ZNF674: variants seen among roughly 807,000 people sequenced by gnomAD.
The protein encoded by ZNF674 is zinc finger protein 674.
In ZNF674, 2 loss-of-function variants were observed where a neutral mutation model predicts 7.0. That is an observed-to-expected ratio of 0.29 (90% CI 0.12 to 0.90). ZNF674 has a LOEUF of 0.90. Ranked by LOEUF, ZNF674 falls within the 40% of genes least tolerant of loss-of-function variation. The probability of loss-of-function intolerance (pLI) is 0.57; values close to 1 mark genes in which losing one functional copy is unlikely to be tolerated. For missense variants in ZNF674, 297 were observed against 415.5 expected (o/e 0.71, Z 2.48); for synonymous variants, 103 against 145.2 (o/e 0.71, Z 2.09).
At chrX:46,522,804 T>A (rs1941938141) in intron 5 of ZNF674, 1 of 112,748 alleles carries the variant, frequency 8.9e-6, no homozygotes, top group Non-Finnish European at 1.9e-5. Context: ...AAGAAATAAG[T>A]CACAAAATAA....
intron 5 of ZNF674, among the ~76,000 whole-genome samples, chrX:46,520,450 G>A (rs1941887999): frequency 9.0e-6 from 1 of 111,096 alleles, no homozygotes; most frequent in Non-Finnish European, 1.9e-5. Context: ...TCCTTGCAGT[G>A]ACAGAAATGT....
chrX:46,534,400 G>A (rs753736212), intron 3 of ZNF674, among the ~76,000 whole-genome samples: 1 of 111,572 alleles, frequency 9.0e-6, no homozygotes, highest in African/African-American at 3.3e-5. Context: ...GGAGTGCAGT[G>A]GTGAGATTAT....
At chrX:46,505,768 TCA>T (rs56158505) in intron 5 of ZNF674, among the ~76,000 whole-genome samples, 99 of 100,077 alleles carry the variant, frequency 9.9e-4, no homozygotes, top group East Asian at 4.7e-3. Context: ...CAAAACTCTG[TCA>T]CACACACACA....
rs771665182 is a variant in ZNF674 at position 46,500,564 on chromosome X, G to C, written c.1010C>G (p.Thr337Ser). The change falls in exon 6 of 6, where the codon ACT becomes AGT. Residue 337 changes from threonine to serine, a missense_variant. Transcript: ENST00000683375. The part of the protein sequence containing the change: ...RQAFYKGIKC[T>S]TSSLIYQRIH... ...TCTTTGATATATAAGGCTGGACGTA[G>C]TACATTTAATACCTTTATAAAATGC... The C allele has an allele frequency of 4.1e-6, 5 of 1,210,963 alleles. No individual in the cohort carries two copies. Among genetic ancestry groups the C allele is most frequent in the East Asian group, 3.0e-5 (1 of 33,845 alleles).
rs765516000 is a variant in ZNF674, at chrX:46,506,249, C to T, written c.239-4914G>A. Among the ~76,000 whole-genome samples, 29 of 110,806 alleles carry T rather than the reference C, an allele frequency of 2.6e-4. No individual in the cohort carries two copies. The South Asian group carries it at 0.011, about 41-fold the overall frequency. On this transcript the variant is annotated intron_variant, in intron 5 of 5. Coordinates refer to ENST00000683375, the MANE Select transcript of ZNF674 (RefSeq NM_001190417.2). ...TTTTTCTTCTGGGAGTCTGGATGCC[C>T]GAACACTAGAGGCTGATGATTTTCT...
At chrX:46,510,120 C>T (rs1448872996) in intron 5 of ZNF674, among the ~76,000 whole-genome samples, 3 of 79,700 alleles carry the variant, frequency 3.8e-5, no homozygotes, top group African/African-American at 5.2e-5. Flanking sequence ...AGGGGAACAT[C>T]ACACTCTGGG....
intron 5 of ZNF674, among the ~76,000 whole-genome samples, chrX:46,521,835 G>A (rs1161206957): frequency 9.2e-6 from 1 of 109,115 alleles, no homozygotes; most frequent in East Asian, 2.9e-4. Context: ...GCTGCAGTGA[G>A]CTGAGATCTC....
intron 5 of ZNF674, among the ~76,000 whole-genome samples, chrX:46,524,740 G>A (rs1195791622): frequency 9.1e-6 from 1 of 110,314 alleles, no homozygotes; most frequent in Non-Finnish European, 1.9e-5. Context: ...ACTAGGCATG[G>A]TAGCTCACAC....
rs768799476 is a variant in ZNF674 at position 46,498,221 on chromosome X, A to AT, written c.*1621dup. 5.0e-4 allele frequency: 56 copies of AT among 111,627 alleles called. No individual in the cohort carries two copies. The highest frequency in any genetic ancestry group is 9.6e-4 in the Non-Finnish European group (51 of 53,108). The allele number at this position is 111,627 out of a possible 1,213,427, so 9.2% of individuals were successfully genotyped here. On this transcript the variant is annotated 3_prime_UTR_variant, in exon 6 of 6. Transcript: ENST00000683375. Reference sequence around the variant, plus strand: ...CTATCATTGGATATTAAATTGTCTTATTTTTTCACTACTTTAAATAATACT... The same window carrying AT: ...CTATCATTGGATATTAAATTGTCTTATTTTTTTCACTACTTTAAATAATACT...
intron 3 of ZNF674, among the ~76,000 whole-genome samples, chrX:46,534,033 C>T (rs1420200797): frequency 9.4e-6 from 1 of 106,847 alleles, no homozygotes; most frequent in Non-Finnish European, 1.9e-5. Context: ...ACACTCATGG[C>T]GGAAGGTGAA....
Position 46,499,943 on chromosome X carries a change from C to T in ZNF674, c.1631G>A (p.Gly544Glu). 1 of 1,195,457 alleles carries T rather than the reference C, an allele frequency of 8.4e-7. No individual in the cohort carries two copies. The highest frequency in any genetic ancestry group is 1.1e-6 in the Non-Finnish European group (1 of 886,136). The change falls in exon 6 of 6, where the codon GGA (glycine) becomes GAA (glutamate). Residue 544 changes from glycine to glutamate, a missense_variant. Coordinates refer to ENST00000683375, the MANE Select transcript of ZNF674 (RefSeq NM_001190417.2). ...GTCTCTGCATTCATAAGGTTTCTCT[C>T]CTGTATGAGTTCTGTGATGCACAAT... The part of the protein sequence containing the change: ...TLIVHHRTHT[G>E]EKPYECRDCG...
chrX:46,544,961 CAAT>C (rs749148842), intron 1 of ZNF674, among the ~76,000 whole-genome samples: 1 of 111,458 alleles, frequency 9.0e-6, no homozygotes, highest in Admixed American at 9.5e-5. Flanking sequence ...ACACTGGAAA[CAAT>C]AAACATGATA....
intron 5 of ZNF674, among the ~76,000 whole-genome samples, chrX:46,518,330 A>C (rs1941807987): frequency 8.9e-6 from 1 of 112,259 alleles, no homozygotes; most frequent in African/African-American, 3.2e-5. Flanking sequence ...TGTAACATGA[A>C]AGAAATTAAA....
intron 3 of ZNF674, among the ~76,000 whole-genome samples, chrX:46,536,850 T>C (rs1233702996): frequency 8.9e-6 from 1 of 112,614 alleles, no homozygotes; most frequent in Non-Finnish European, 1.9e-5. Flanking sequence ...ACAACAGCTG[T>C]ATTACCAGGT....
Position 46,537,037 on chromosome X carries a change from G to A in ZNF674, c.15+5036C>T, listed in dbSNP as rs773862279. 8.7e-3 allele frequency among the ~76,000 whole-genome samples: 974 copies of A among 111,839 alleles called. 4 individuals carry two copies. The highest frequency in any genetic ancestry group is 0.011 in the Non-Finnish European group (598 of 53,153). ...TGTAATCCTAGGACTTTGGGAGGCC[G>A]AGGCAGGTGGATCAACTGAGGTCAG... On this transcript the variant is annotated intron_variant, in intron 3 of 5. Transcript: ENST00000683375.
chrX:46,515,109 G>A (rs977169980), intron 5 of ZNF674, among the ~76,000 whole-genome samples: 5 of 111,244 alleles, frequency 4.5e-5, no homozygotes, highest in Admixed American at 9.6e-5. Flanking sequence ...TGGTGCATGC[G>A]TATAATCCCA....
At chrX:46,508,014 A>T (rs1390122106) in intron 5 of ZNF674, among the ~76,000 whole-genome samples, 1 of 109,151 alleles carries the variant, frequency 9.2e-6, no homozygotes, top group Non-Finnish European at 1.9e-5. Flanking sequence ...CATTTATTTT[A>T]TTCTTTAAAC....
chrX:46,524,770 G>A (rs1190693258), intron 5 of ZNF674, among the ~76,000 whole-genome samples: 1 of 110,951 alleles, frequency 9.0e-6, no homozygotes, highest in Admixed American at 9.7e-5. Flanking sequence ...CAGCACTTTG[G>A]GAGGCTGAGA....
intron 5 of ZNF674, among the ~76,000 whole-genome samples, chrX:46,522,447 T>C (rs1893058245): frequency 9.0e-6 from 1 of 111,385 alleles, no homozygotes; most frequent in African/African-American, 3.3e-5. Flanking sequence ...GGAGGACTGC[T>C]TGAGGCCAAG....
Sources: allele counts gnomAD v4.1 joint callset (sites outside exome capture counted in the v4.1 genomes callset), GRCh38; gene constraint gnomAD v4.1.1; transcripts MANE v1.5; gene names NCBI Gene and HGNC (gene_info 2026-07-23, HGNC 2026-07-21).